ADAMTSL1: variants seen among roughly 807,000 people sequenced by gnomAD.
The protein encoded by ADAMTSL1 is ADAMTS like 1.
Under a neutral mutation model 201.8 loss-of-function variants are expected in ADAMTSL1, and 126 were observed. That is an observed-to-expected ratio of 0.62 (90% CI 0.54 to 0.72). The LOEUF is 0.72. Among genes scored for constraint, ADAMTSL1 ranks in the 30% least tolerant of loss-of-function variants. The pLI, the probability that ADAMTSL1 is intolerant of heterozygous loss-of-function variation, is 0.00. For missense variants in ADAMTSL1, 2,679 were observed against 2,277.8 expected, an observed-to-expected ratio of 1.18 and a Z score of -3.59; for synonymous variants, 1,121 against 903.4, an observed-to-expected ratio of 1.24 and a Z score of -4.32.
intron 3 of ADAMTSL1, among the ~76,000 whole-genome samples, chr9:18,556,268 T>TC (rs1465012526): frequency 6.6e-6 from 1 of 151,968 alleles, no homozygotes; most frequent in African/African-American, 2.4e-5. Flanking sequence ...CATCTGTCTT[T>TC]CCCCTTTAAA....
intron 3 of ADAMTSL1, among the ~76,000 whole-genome samples, chr9:18,542,766 C>A (rs1462157428): frequency 6.6e-6 from 1 of 152,180 alleles, no homozygotes; most frequent in Non-Finnish European, 1.5e-5. Flanking sequence ...TACTACCTTT[C>A]TTCAACTTCC....
chr9:18,877,965 T>C (rs1375462625), intron 23 of ADAMTSL1, among the ~76,000 whole-genome samples: 1 of 152,106 alleles, frequency 6.6e-6, no homozygotes, highest in Non-Finnish European at 1.5e-5. Context: ...CTATAGGGGA[T>C]TGGGTGTAGT....
intron 1 of ADAMTSL1, among the ~76,000 whole-genome samples, chr9:18,094,277 C>T (rs536566809): frequency 9.8e-5 from 15 of 152,334 alleles, no homozygotes; most frequent in African/African-American, 3.6e-4. Flanking sequence ...TGCAGCTATT[C>T]TGTGGCTGGT....
intron 1 of ADAMTSL1, among the ~76,000 whole-genome samples, chr9:18,103,804 T>C (rs2131856430): frequency 6.6e-6 from 1 of 152,320 alleles, no homozygotes; most frequent in East Asian, 1.9e-4. Context: ...AGACATCTTC[T>C]AGGCCTTTGT....
rs916634126 is a variant in ADAMTSL1, at chr9:18,904,242, G to T, written c.4852-1540G>T. Among the ~76,000 whole-genome samples the T allele has an allele frequency of 5.3e-5, 8 of 152,250 alleles. No homozygotes were observed. In the South Asian group the frequency reaches 1.5e-3, roughly 28 times the overall value. On this transcript the variant is annotated intron_variant, in intron 26 of 28. Coordinates refer to ENST00000380548, the MANE Select transcript of ADAMTSL1 (RefSeq NM_001040272.6). ...CCAGCACTTTGGGAGGCCAAGGCAG[G>T]CAGATCACCTGAGGTCAAGAATTCA...
chr9:18,220,294 C>T (rs1830207986), intron 2 of ADAMTSL1, among the ~76,000 whole-genome samples: 1 of 152,066 alleles, frequency 6.6e-6, no homozygotes, highest in African/African-American at 2.4e-5. Flanking sequence ...TTTTTAAGTA[C>T]AGGAGGGTTC....
chr9:18,325,788 T>A (rs566872608), intron 2 of ADAMTSL1, among the ~76,000 whole-genome samples: 5 of 152,058 alleles, frequency 3.3e-5, no homozygotes, highest in Admixed American at 3.3e-4. Flanking sequence ...TGGCTTAGGC[T>A]GGAATGAAGT....
intron 1 of ADAMTSL1, among the ~76,000 whole-genome samples, chr9:18,139,509 A>ATAACCCCTGAGAAAATCCACAGAAGAGT (rs1465382381): frequency 7.9e-5 from 12 of 152,144 alleles, no homozygotes; most frequent in African/African-American, 2.9e-4. Flanking sequence ...TCCTATTCTG[A>ATAACCCCTGAGAAAATCCACAGAAGAGT]TAACCCCTGA....
chr9:18,812,884 T>G (rs551811758), intron 20 of ADAMTSL1, among the ~76,000 whole-genome samples: 1 of 152,316 alleles, frequency 6.6e-6, no homozygotes, highest in East Asian at 1.9e-4. Context: ...GTGTCTATTT[T>G]TATGGCAATA....
intron 2 of ADAMTSL1, among the ~76,000 whole-genome samples, chr9:18,324,207 G>GTCTTGAAT (rs1834734423): frequency 6.6e-6 from 1 of 152,014 alleles, no homozygotes. Context: ...AATGCAATGG[G>GTCTTGAAT]GAAAAGAAAG....
chr9:18,686,532 C>A (rs984371797), intron 13 of ADAMTSL1, among the ~76,000 whole-genome samples: 7 of 152,166 alleles, frequency 4.6e-5, no homozygotes, highest in Admixed American at 2.6e-4. Context: ...CTATTTAAGA[C>A]ACAGAAAGAT....
intron 2 of ADAMTSL1, among the ~76,000 whole-genome samples, chr9:18,311,699 G>T (rs1214910414): frequency 1.3e-5 from 2 of 152,178 alleles, no homozygotes; most frequent in Non-Finnish European, 2.9e-5. Context: ...CTTGAGCCAG[G>T]GAGCCCTGAA....
At chr9:18,056,766 C>T (rs1822207904) in intron 1 of ADAMTSL1, among the ~76,000 whole-genome samples, 1 of 152,170 alleles carries the variant, frequency 6.6e-6, no homozygotes, top group South Asian at 2.1e-4. Context: ...TACATTTCCC[C>T]AGCGCATTCT....
chr9:18,458,343 C>A (rs931546006), intron 2 of ADAMTSL1, among the ~76,000 whole-genome samples: 1 of 152,172 alleles, frequency 6.6e-6, no homozygotes. Flanking sequence ...ATGTGAGATA[C>A]ACTCAATATT....
intron 2 of ADAMTSL1, among the ~76,000 whole-genome samples, chr9:18,215,995 T>G (rs1830043051): frequency 6.6e-6 from 1 of 152,158 alleles, no homozygotes; most frequent in African/African-American, 2.4e-5. Context: ...TTAGGAAAGA[T>G]TCTGTGAAAA....
chr9:18,830,915 A>G (rs1824936324), intron 23 of ADAMTSL1, among the ~76,000 whole-genome samples: 2 of 152,228 alleles, frequency 1.3e-5, no homozygotes, highest in African/African-American at 4.8e-5. Context: ...TGTTGACAAT[A>G]ACAGCTAGAA....
intron 1 of ADAMTSL1, among the ~76,000 whole-genome samples, chr9:18,008,795 G>A (rs1314374900): frequency 6.6e-6 from 1 of 151,954 alleles, no homozygotes; most frequent in Non-Finnish European, 1.5e-5. Flanking sequence ...CCAGAATGAT[G>A]ACAACACTTT....
At chr9:18,476,203 A>G (rs1644812516) in intron 1 of ADAMTSL1, among the ~76,000 whole-genome samples, 1 of 152,186 alleles carries the variant, frequency 6.6e-6, no homozygotes, top group Non-Finnish European at 1.5e-5. Context: ...AATAGCTGTC[A>G]TGTATTTTGT....
chr9:18,815,979 A>C (rs1406163416), intron 20 of ADAMTSL1, among the ~76,000 whole-genome samples: 1 of 152,144 alleles, frequency 6.6e-6, no homozygotes, highest in East Asian at 1.9e-4. Context: ...AACACTTCTT[A>C]TATTTATCAT....
Sources: gnomAD v4.1 joint callset for allele counts (sites outside exome capture counted in the v4.1 genomes callset) on GRCh38, gnomAD v4.1.1 for gene constraint, MANE v1.5 for transcripts, NCBI Gene and HGNC (gene_info 2026-07-23, HGNC 2026-07-21) for gene names.